PTPRM: variants seen among roughly 807,000 people sequenced by gnomAD.
PTPRM encodes protein tyrosine phosphatase receptor type M, also known as receptor-type tyrosine-protein phosphatase mu.
Under a neutral mutation model 186.7 loss-of-function variants are expected in PTPRM, and 47 were observed. The observed-to-expected ratio is 0.25, with a 90% CI of 0.20 to 0.32. The LOEUF (loss-of-function observed/expected upper bound fraction) is 0.32, where lower values mean the gene tolerates loss of function less well. PTPRM is among the 10% of genes least tolerant of loss of function. The pLI, the probability that PTPRM is intolerant of heterozygous loss-of-function variation, is 1.00. For synonymous variants in PTPRM, 668 were observed against 674.9 expected, an observed-to-expected ratio of 0.99 and a Z score of 0.16; for missense variants, 1,494 against 1,865.0, an observed-to-expected ratio of 0.80 and a Z score of 3.66.
intron 9 of PTPRM, among the ~76,000 whole-genome samples, chr18:8,079,395 T>C (rs1178962255): frequency 6.6e-6 from 1 of 152,218 alleles, no homozygotes; most frequent in Non-Finnish European, 1.5e-5. Context: ...AATACTGCCC[T>C]CTGAAAGAAT....
chr18:8,160,706 C>T (rs2093213964), intron 14 of PTPRM, among the ~76,000 whole-genome samples: 1 of 152,170 alleles, frequency 6.6e-6, no homozygotes, highest in Non-Finnish European at 1.5e-5. Flanking sequence ...TCTTCAGTGG[C>T]TAGGCTGCAG....
At position 7,711,212 on chromosome 18, in the gene PTPRM, C is replaced by T. The variant is rs535202904; in HGVS notation, c.74-62937C>T. On this transcript the variant is annotated intron_variant, in intron 1 of 32. Transcript: ENST00000580170. ...AGAAACAGGGTGGGGCATTGCCTCACCCGGGAAGCTCAAGGGGTCGGGGAA... is the reference window on the plus strand; with the variant it reads ...AGAAACAGGGTGGGGCATTGCCTCATCCGGGAAGCTCAAGGGGTCGGGGAA... Among the ~76,000 whole-genome samples, 3 of 152,248 alleles carry T rather than the reference C, an allele frequency of 2.0e-5. No homozygotes were observed. The South Asian group carries it at 6.2e-4, about 32-fold the overall frequency.
chr18:8,030,651 G>T (rs567611090), intron 7 of PTPRM, among the ~76,000 whole-genome samples: 15 of 152,270 alleles, frequency 9.9e-5, no homozygotes, highest in Admixed American at 3.3e-4. Flanking sequence ...GTAGAGCACA[G>T]ATGGGATCCC....
At chr18:7,639,687 C>G (rs901185521) in intron 1 of PTPRM, among the ~76,000 whole-genome samples, 2 of 152,174 alleles carry the variant, frequency 1.3e-5, no homozygotes, top group Non-Finnish European at 2.9e-5. Context: ...CCACCGCTCT[C>G]GGCCTCTATA....
rs114853854 is a variant in PTPRM, at chr18:7,768,949, A to G, written c.74-5200A>G. On this transcript the variant is annotated intron_variant, in intron 1 of 32. Coordinates refer to ENST00000580170, the MANE Select transcript of PTPRM (RefSeq NM_001105244.2). ...GTGTGAGCCACAGTGCCTGGCCCAT[A>G]AAGATAATTTTAAAGCATATTTCAG... 7.5e-3 allele frequency among the ~76,000 whole-genome samples: 1,145 copies of G among 152,086 alleles called. 17 individuals are homozygous for G. Among genetic ancestry groups the G allele is most frequent in the African/African-American group, 0.025 (1,050 of 41,490 alleles).
chr18:7,598,841 C>T (rs527661497), intron 1 of PTPRM, among the ~76,000 whole-genome samples: 356 of 148,412 alleles, frequency 2.4e-3, no homozygotes, highest in African/African-American at 7.6e-3. Flanking sequence ...TCCCTTGGCG[C>T]GGTAGCCAAT....
chr18:7,752,809 A>G (rs1357334098), intron 1 of PTPRM, among the ~76,000 whole-genome samples: 1 of 152,158 alleles, frequency 6.6e-6, no homozygotes, highest in Non-Finnish European at 1.5e-5. Context: ...AGAGAAAACT[A>G]CGTACCTAGA....
At chr18:8,100,128 A>G (rs1007050546) in intron 11 of PTPRM, among the ~76,000 whole-genome samples, 5 of 149,388 alleles carry the variant, frequency 3.3e-5, no homozygotes, top group African/African-American at 7.7e-5. Context: ...GATGCCACAC[A>G]CTTGTGTGTG....
chr18:8,115,265 C>T (rs530545869), intron 13 of PTPRM, among the ~76,000 whole-genome samples: 70 of 152,182 alleles, frequency 4.6e-4, no homozygotes, highest in African/African-American at 1.5e-3. Context: ...GGAGTCTACG[C>T]GGGCTTTTTT....
At chr18:7,833,603 A>G (rs1263868869) in intron 2 of PTPRM, among the ~76,000 whole-genome samples, 2 of 152,000 alleles carry the variant, frequency 1.3e-5, no homozygotes, top group East Asian at 3.9e-4. Context: ...GCATGGTGGC[A>G]GGTGCCTATA....
intron 14 of PTPRM, among the ~76,000 whole-genome samples, chr18:8,147,076 G>C (rs1206818210): frequency 3.3e-5 from 5 of 152,170 alleles, no homozygotes; most frequent in Admixed American, 6.5e-5. Context: ...TTTGAAGTCA[G>C]GTAGCATGAT....
chr18:7,895,856 T>G (rs759388968), intron 3 of PTPRM, among the ~76,000 whole-genome samples: 26 of 152,214 alleles, frequency 1.7e-4, no homozygotes, highest in Admixed American at 1.2e-3. Context: ...TCCTCTAGCT[T>G]TAATATTGAC....
At position 7,699,056 on chromosome 18, in the gene PTPRM, G is replaced by A. The variant is rs73389602; in HGVS notation, c.74-75093G>A. ...CAGGGAGCATTACTGTCTGAGCTCC[G>A]CCTCCTGTCAGATCAGCGGCAGCAT... On this transcript the variant is annotated intron_variant, in intron 1 of 32. Transcript: ENST00000580170. 2.9e-3 allele frequency among the ~76,000 whole-genome samples: 441 copies of A among 152,254 alleles called. 3 individuals carry two copies. The highest frequency in any genetic ancestry group is 9.9e-3 in the African/African-American group (413 of 41,548).
chr18:8,330,365 C>A (rs192037237), intron 22 of PTPRM, among the ~76,000 whole-genome samples: 10 of 152,246 alleles, frequency 6.6e-5, no homozygotes, highest in Admixed American at 6.5e-5. Flanking sequence ...CCCTTCACTG[C>A]CATGGAAAAT....
intron 5 of PTPRM, among the ~76,000 whole-genome samples, chr18:7,932,535 A>G (rs1387226352): frequency 6.6e-6 from 1 of 152,192 alleles, no homozygotes; most frequent in African/African-American, 2.4e-5. Flanking sequence ...ATATATGTAC[A>G]TGTTTATACT....
At chr18:8,282,664 A>G (rs1003485741) in intron 19 of PTPRM, among the ~76,000 whole-genome samples, 12 of 152,172 alleles carry the variant, frequency 7.9e-5, no homozygotes, top group Non-Finnish European at 1.5e-4. Context: ...CCCTGTCGCA[A>G]AAAACAACAG....
intron 2 of PTPRM, among the ~76,000 whole-genome samples, chr18:7,882,327 C>A (rs80001228): frequency 8.6e-5 from 13 of 151,584 alleles, no homozygotes; most frequent in Non-Finnish European, 1.8e-4. Flanking sequence ...TTTAAAAAAA[C>A]AACAACAACT....
At chr18:8,335,188 T>G (rs1221989047) in intron 22 of PTPRM, among the ~76,000 whole-genome samples, 1 of 152,186 alleles carries the variant, frequency 6.6e-6, no homozygotes, top group Non-Finnish European at 1.5e-5. Context: ...TCTCCTTCCC[T>G]CCCAAGTGGC....
rs537006516 is a variant in PTPRM at position 8,023,263 on chromosome 18, T to G, written c.1133-46423T>G. ...AGATGGACAAACTAATGAAAGAGAC[T>G]AAAAGTTCAGTCAAATGAATTTAGA... On this transcript the variant is annotated intron_variant, in intron 7 of 32. Transcript: ENST00000580170. Among the ~76,000 whole-genome samples the G allele has an allele frequency of 7.9e-5, 12 of 152,212 alleles. No homozygotes were observed. The East Asian group carries it at 2.3e-3, about 29-fold the overall frequency.
Sources: allele counts gnomAD v4.1 joint callset (sites outside exome capture counted in the v4.1 genomes callset), GRCh38; gene constraint gnomAD v4.1.1; transcripts MANE v1.5; gene names NCBI Gene and HGNC (gene_info 2026-07-23, HGNC 2026-07-21).